The following ACTA2 variants were observed in gnomAD, a reference collection of about 807,000 sequenced individuals.
ACTA2 encodes actin alpha 2, smooth muscle.
In ACTA2, 12 loss-of-function variants were observed where a neutral mutation model predicts 39.5. The ratio of observed to expected loss-of-function variants is 0.30; its 90% confidence interval spans 0.19 to 0.49. The LOEUF is 0.49. Ranked by LOEUF, ACTA2 falls within the 20% of genes least tolerant of loss-of-function variation. The pLI, the probability that ACTA2 is intolerant of heterozygous loss-of-function variation, is 0.99. For synonymous variants in ACTA2, 158 were observed against 180.6 expected (o/e 0.88, Z 1.00); for missense variants, 236 against 498.8 (o/e 0.47, Z 5.02).
intron 1 of ACTA2, among the ~76,000 whole-genome samples, chr10:88,989,996 AT>A (rs1035939637): frequency 2.0e-5 from 3 of 151,974 alleles, no homozygotes; most frequent in Admixed American, 6.6e-5. Flanking sequence ...GAATTACAAG[AT>A]TTTTTTTTAA....
chr10:88,982,416 A>G lies in ACTA2; in HGVS notation c.-24+8523T>C, dbSNP rs545724933. 1.3e-3 allele frequency among the ~76,000 whole-genome samples: 194 copies of G among 152,278 alleles called. 2 individuals are homozygous for G. The highest frequency in any genetic ancestry group is 4.4e-3 in the African/African-American group (181 of 41,562). The stretch of plus-strand genomic sequence containing the variant: ...TGGTAAGAGATCTCACCGAGCTTAA[A>G]TGTGTTTTTTTCTTTTTTTTTTTGA... On this transcript the variant is annotated intron_variant, in intron 1 of 4. Transcript: ENST00000415557.
Position 88,937,947 on chromosome 10 carries a change from C to G in ACTA2, c.990+114G>C, listed in dbSNP as rs3781209. ...ATGAGATTTGTGTCCATTACCTACC[C>G]CTAAAACCCACAATTGCATGTCACC... On this transcript the variant is annotated intron_variant, in intron 8 of 8. Transcript: ENST00000224784. The G allele has an allele frequency of 3.2e-4, 396 of 1,250,358 alleles. 2 individuals carry two copies. In the East Asian group the frequency reaches 8.9e-3, roughly 28 times the overall value. The allele number at this position is 1,250,358 out of a possible 1,614,324, so 77.5% of individuals were successfully genotyped here.
At chr10:88,943,396 T>C (rs530393332) in intron 4 of ACTA2, among the ~76,000 whole-genome samples, 4 of 152,310 alleles carry the variant, frequency 2.6e-5, no homozygotes, top group Non-Finnish European at 5.9e-5. Context: ...AAACTGAGGC[T>C]CTGAGAAATT....
chr10:88,938,278 A>G, intron 7 of ACTA2, 36 bp from the exon 8 acceptor site: 1 of 1,612,368 alleles, frequency 6.2e-7, no homozygotes, highest in Non-Finnish European at 8.5e-7. Context: ...CCTTAAGTGG[A>G]GAGTAAAACC....
chr10:88,943,692 G>T, intron 4 of ACTA2, 105 bp downstream of exon 4: 2 of 913,222 alleles, frequency 2.2e-6, no homozygotes, highest in Non-Finnish European at 3.6e-6. Flanking sequence ...TTAGTCTGTT[G>T]GTGGACTCCT....
In ACTA2 at chr10:88,939,749, G is replaced by A. The variant is rs1166613524; in HGVS notation, c.617-51C>T. 5.0e-6 allele frequency: 8 copies of A among 1,590,410 alleles called. No individual in the cohort carries two copies. In the South Asian group the frequency reaches 6.7e-5, roughly 13 times the overall value. ...GCAAACATTAGGGTCTGCACAGGTG[G>A]CAAAGATTCACCTGCCCTACTGCAG... is the stretch of plus-strand genomic sequence containing the variant. On this transcript the variant is annotated intron_variant, in intron 6 of 8. Transcript: ENST00000224784.
chr10:88,951,786 A>G (rs1846054703), intron 1 of ACTA2, among the ~76,000 whole-genome samples: 1 of 152,238 alleles, frequency 6.6e-6, no homozygotes, highest in Non-Finnish European at 1.5e-5. Context: ...AAAGAACAGT[A>G]CAGTTCCCAG....
intron 1 of ACTA2, among the ~76,000 whole-genome samples, chr10:88,961,669 A>G (rs1330195598): frequency 6.6e-6 from 1 of 152,180 alleles, no homozygotes; most frequent in East Asian, 1.9e-4. Flanking sequence ...ATGAAAGAGG[A>G]CAAGATCTTT....
chr10:88,984,853 G>A (rs774043300), intron 1 of ACTA2, among the ~76,000 whole-genome samples: 20 of 152,202 alleles, frequency 1.3e-4, no homozygotes, highest in Non-Finnish European at 2.4e-4. Flanking sequence ...AGCCTGATCT[G>A]ATGATTCCTT....
chr10:88,980,500 T>C (rs1488672759), intron 1 of ACTA2, among the ~76,000 whole-genome samples: 3 of 152,228 alleles, frequency 2.0e-5, no homozygotes, highest in African/African-American at 4.8e-5. Context: ...TGCTTATAAT[T>C]ACTCTAATTT....
intron 6 of ACTA2, 112 bp downstream of exon 6, chr10:88,941,117 C>T (rs1338205801): frequency 7.3e-7 from 1 of 1,365,728 alleles, no homozygotes; most frequent in Non-Finnish European, 1.0e-6. Flanking sequence ...AGAGCCAGGC[C>T]TTGCCATTTG....
chr10:88,966,282 G>A (rs867232444), intron 1 of ACTA2, among the ~76,000 whole-genome samples: 1 of 152,136 alleles, frequency 6.6e-6, no homozygotes, highest in Non-Finnish European at 1.5e-5. Context: ...AGGATCCCAG[G>A]CTTATGTCCT....
chr10:88,983,609 CAAAAAAAAAAAAAAAA>C (rs71022549), intron 1 of ACTA2, among the ~76,000 whole-genome samples: 3 of 46,458 alleles, frequency 6.5e-5, no homozygotes, highest in East Asian at 1.7e-3. Context: ...ACAGGTTATG[CAAAAAAAAAAAAAAAA>C]AAAAAAAAAA....
intron 1 of ACTA2, chr10:88,973,926 C>T (rs147992022): frequency 0.02 from 3,055 of 152,628 alleles, 117 homozygotes; most frequent in African/African-American, 0.07. Context: ...CTCAGCCTCC[C>T]GAGTAGCGAG....
chr10:88,945,171 T>C (rs1351972372), intron 3 of ACTA2, among the ~76,000 whole-genome samples: 1 of 152,238 alleles, frequency 6.6e-6, no homozygotes, highest in Non-Finnish European at 1.5e-5. Flanking sequence ...AGTTTTTTCT[T>C]CCAATAGTCT....
At position 88,938,104 on chromosome 10, in the gene ACTA2, T is replaced by C; in HGVS notation, c.947A>G (p.Gln316Arg). ...GGGTGCTAGGGCCGTGATCTCCTTC[T>C]GCATTCGGTCGGCAATGCCAGGGTA... ...TMYPGIADRMQKEITALAPST... is the reference protein window; with the variant it reads ...TMYPGIADRMRKEITALAPST... The change falls in exon 8 of 9, where the codon CAG becomes CGG. Residue 316 changes from glutamine to arginine, a missense_variant. Physicochemically the swap from Gln to Arg is conservative, Grantham distance 43 (BLOSUM62 1). Transcript: ENST00000224784. 1.9e-6 allele frequency: 3 copies of C among 1,614,050 alleles called. No individual in the cohort carries two copies. Among genetic ancestry groups the C allele is most frequent in the Non-Finnish European group, 2.5e-6 (3 of 1,179,932 alleles).
At chr10:88,977,304 A>G (rs896884243) in intron 1 of ACTA2, among the ~76,000 whole-genome samples, 1 of 150,170 alleles carries the variant, frequency 6.7e-6, no homozygotes, top group Non-Finnish European at 1.5e-5. Flanking sequence ...TAGGTCTAAC[A>G]TTTAAGTCTT....
At chr10:88,939,327 A>C in intron 7 of ACTA2, 180 bp downstream of exon 7, 2 of 737,458 alleles carry the variant, frequency 2.7e-6, no homozygotes, top group Non-Finnish European at 4.6e-6. Context: ...TAGGAAGAAA[A>C]CCTTTTTCCT....
chr10:88,991,206 C>G, exon 1 of ACTA2: 1 of 551,670 alleles, frequency 1.8e-6, no homozygotes, highest in Non-Finnish European at 3.3e-6. Context: ...CTGCGCTCCA[C>G]GTTGAGGTGG....
Sources: gnomAD v4.1 joint callset for allele counts (sites outside exome capture counted in the v4.1 genomes callset) on GRCh38, gnomAD v4.1.1 for gene constraint, MANE v1.5 for transcripts, NCBI Gene and HGNC (gene_info 2026-07-23, HGNC 2026-07-21) for gene names.